Variants in IFIH1 observed in about 807,000 individuals in gnomAD.
IFIH1 encodes interferon induced with helicase C domain 1.
A neutral mutation model predicts 107.4 loss-of-function variants in IFIH1; 125 were observed. The ratio of observed to expected loss-of-function variants is 1.16; its 90% CI spans 1.01 to 1.35. The LOEUF (loss-of-function observed/expected upper bound fraction) is 1.35, where lower values mean the gene tolerates loss of function less well. Ranked by LOEUF, IFIH1 falls within the 40% of genes most tolerant of loss-of-function variation. IFIH1 has a pLI of 0.00. For synonymous variants in IFIH1, 458 were observed against 413.2 expected, an observed-to-expected ratio of 1.11 and a Z score of -1.31; for missense variants, 1,333 against 1,213.7, an observed-to-expected ratio of 1.10 and a Z score of -1.46.
At chr2:162,317,279 T>C (rs567804394) in intron 1 of IFIH1, among the ~76,000 whole-genome samples, 1 of 152,186 alleles carries the variant, frequency 6.6e-6, no homozygotes, top group African/African-American at 2.4e-5. Context: ...AAATTAAAAA[T>C]TGAAAAATCT....
At position 162,280,213 on chromosome 2, in the gene IFIH1, T is replaced by C. The variant is rs971323937; in HGVS notation, c.1525-101A>G. 33 of 693,010 alleles carry C rather than the reference T, an allele frequency of 4.8e-5. No individual in the cohort carries two copies. The Admixed American group carries it at 8.2e-4, about 17-fold the overall frequency. The allele number at this position is 693,010 out of a possible 1,614,324, so 42.9% of individuals were successfully genotyped here. On this transcript the variant is annotated intron_variant, in intron 7 of 15. Transcript: ENST00000649979. ...ATGTAAAAAATATGTAGCATTAAATTGTAGCATAAATATGTGGTATAAAAT... is the reference window on the plus strand; with the variant it reads ...ATGTAAAAAATATGTAGCATTAAATCGTAGCATAAATATGTGGTATAAAAT...
At chr2:162,279,932 C>T (rs1682775593) in intron 8 of IFIH1, 64 bp downstream of exon 8, 6 of 900,974 alleles carry the variant, frequency 6.7e-6, no homozygotes, top group Admixed American at 3.8e-5. Flanking sequence ...ATAAAATAGC[C>T]TTTGCCATCT....
At chr2:162,282,647 C>T in intron 5 of IFIH1, 71 bp from the exon 6 acceptor site, 5 of 934,474 alleles carry the variant, frequency 5.4e-6, no homozygotes, top group Non-Finnish European at 6.5e-6. Flanking sequence ...GATCAAAGGC[C>T]TGTTTGGCAT....
chr2:162,299,987 T>A (rs1683164653), intron 3 of IFIH1, among the ~76,000 whole-genome samples: 1 of 152,196 alleles, frequency 6.6e-6, no homozygotes, highest in African/African-American at 2.4e-5. Flanking sequence ...AGATGAAATA[T>A]CTGATATTCC....
At chr2:162,286,360 AG>A (rs1338764156) in intron 5 of IFIH1, among the ~76,000 whole-genome samples, 1 of 151,952 alleles carries the variant, frequency 6.6e-6, no homozygotes, top group East Asian at 1.9e-4. Context: ...GAATACAAAT[AG>A]GGCTTTCTAA....
At chr2:162,277,387 C>T (rs1310448366) in intron 10 of IFIH1, 28 bp downstream of exon 10, 8 of 1,502,456 alleles carry the variant, frequency 5.3e-6, no homozygotes, top group African/African-American at 4.1e-5. Context: ...AAATGAATGA[C>T]ACCAGTATAT....
At chr2:162,310,034 A>G (rs1373328414) in intron 2 of IFIH1, 1 of 152,196 alleles carries the variant, frequency 6.6e-6, no homozygotes, top group Non-Finnish European at 1.5e-5. Flanking sequence ...AGTCTCTATC[A>G]ATTACCCAGT....
rs746614543 is a variant in IFIH1, at chr2:162,288,243, G to T, written c.987C>A (p.Leu329=). The stretch of plus-strand genomic sequence containing the variant: ...CTCTGGTTTTTCCACTCCCTGTAGG[G>T]AGGCAGATGATGATATTCTTCCCTT... ...ALEGKNIIIC[L]PTGSGKTRVA... The change falls in exon 5 of 16, where the codon CTC becomes CTA. Residue 329 remains leucine, a synonymous_variant. Transcript: ENST00000649979. 3.1e-6 allele frequency: 5 copies of T among 1,612,744 alleles called. No homozygotes were observed. Among genetic ancestry groups the T allele is most frequent in the Admixed American group, 1.7e-5 (1 of 59,854 alleles).
At chr2:162,291,260 C>A (rs1451706254) in intron 4 of IFIH1, among the ~76,000 whole-genome samples, 3 of 151,792 alleles carry the variant, frequency 2.0e-5, no homozygotes, top group African/African-American at 7.3e-5. Context: ...TTGATTTTGA[C>A]AGCTGAGTTA....
chr2:162,315,303 A>G (rs1558877916), intron 1 of IFIH1, among the ~76,000 whole-genome samples: 2 of 152,224 alleles, frequency 1.3e-5, no homozygotes, highest in Non-Finnish European at 2.9e-5. Flanking sequence ...TTAGTCTATC[A>G]ATCAAGTAAT....
rs775940899 is a variant in IFIH1 at position 162,276,791 on chromosome 2, G to A, written c.2200C>T (p.Leu734Phe). 20 of 1,613,992 alleles carry A rather than the reference G, an allele frequency of 1.2e-5. No homozygotes were observed. In the South Asian group the frequency reaches 1.5e-4, roughly 12 times the overall value. The change falls in exon 11 of 16, where the codon CTT becomes TTT. Residue 734 changes from leucine to phenylalanine, a missense_variant. Physicochemically the swap from Leu to Phe is conservative, Grantham distance 22 (BLOSUM62 0). Transcript: ENST00000649979. The part of the protein sequence containing the change: ...FTKTRQSAYA[L>F]SQWITENEKF... Reference sequence around the variant, plus strand: ...TCATTTTCAGTAATCCACTGGGAAAGCGCATATGCACTCTGTCGTGTTTTT... The same window carrying A: ...TCATTTTCAGTAATCCACTGGGAAAACGCATATGCACTCTGTCGTGTTTTT...
intron 3 of IFIH1, among the ~76,000 whole-genome samples, chr2:162,295,489 C>T (rs1558871740): frequency 6.6e-6 from 1 of 151,756 alleles, no homozygotes; most frequent in South Asian, 2.1e-4. Flanking sequence ...AGAATTACAG[C>T]CAATGCCAAT....
At chr2:162,271,693 TCA>T (rs1402261723) in intron 13 of IFIH1, among the ~76,000 whole-genome samples, 2 of 152,182 alleles carry the variant, frequency 1.3e-5, no homozygotes, top group Non-Finnish European at 2.9e-5. Context: ...CTAATTCTCT[TCA>T]CTTATCTTGA....
At chr2:162,316,745 A>C (rs1456743394) in intron 1 of IFIH1, among the ~76,000 whole-genome samples, 1 of 152,208 alleles carries the variant, frequency 6.6e-6, no homozygotes, top group Non-Finnish European at 1.5e-5. Context: ...ATGTCTTCCA[A>C]AACAAGACTT....
chr2:162,312,917 C>A (rs1432020395), intron 1 of IFIH1, among the ~76,000 whole-genome samples: 1 of 152,154 alleles, frequency 6.6e-6, no homozygotes, highest in Non-Finnish European at 1.5e-5. Flanking sequence ...AGTGAGGCAA[C>A]AAATGCTGTT....
intron 3 of IFIH1, 70 bp downstream of exon 3, chr2:162,306,639 T>C: frequency 8.4e-7 from 1 of 1,186,390 alleles, no homozygotes; most frequent in East Asian, 2.4e-5. Flanking sequence ...CTCTGATTAA[T>C]AGGTTCTGCC....
At position 162,317,505 on chromosome 2, in the gene IFIH1, GA is replaced by G. The variant is rs1328157754; in HGVS notation, c.453+349del. Among the ~76,000 whole-genome samples, 13 of 152,254 alleles carry G rather than the reference GA, an allele frequency of 8.5e-5. No individual in the cohort carries two copies. In the East Asian group the frequency reaches 2.5e-3, roughly 29 times the overall value. On this transcript the variant is annotated intron_variant, in intron 1 of 15. Coordinates refer to ENST00000649979, the MANE Select transcript of IFIH1 (RefSeq NM_022168.4). ...CCTCAGGTTTCTCATCTGTAAAATGGAGTTAATAACATTAGGAGCCTCAGTG... is the reference window on the plus strand; with the variant it reads ...CCTCAGGTTTCTCATCTGTAAAATGGGTTAATAACATTAGGAGCCTCAGTG...
chr2:162,306,155 T>C (rs1683277539), intron 3 of IFIH1, among the ~76,000 whole-genome samples: 1 of 152,194 alleles, frequency 6.6e-6, no homozygotes, highest in Non-Finnish European at 1.5e-5. Flanking sequence ...AAATAATTTG[T>C]TTCTGCCAGG....
At chr2:162,277,993 T>C (rs1455192798) in intron 9 of IFIH1, among the ~76,000 whole-genome samples, 1 of 152,150 alleles carries the variant, frequency 6.6e-6, no homozygotes, top group Non-Finnish European at 1.5e-5. Flanking sequence ...ATCTCAAGAC[T>C]CTGGAGACAA....
Sources: gnomAD v4.1 joint callset for allele counts (sites outside exome capture counted in the v4.1 genomes callset) on GRCh38, gnomAD v4.1.1 for gene constraint, MANE v1.5 for transcripts, NCBI Gene and HGNC (gene_info 2026-07-23, HGNC 2026-07-21) for gene names.